NSF: variants seen among roughly 807,000 people sequenced by gnomAD.
NSF encodes the protein vesicle-fusing ATPase.
Under a neutral mutation model 50.3 loss-of-function variants are expected in NSF, and 14 were observed. That is an observed-to-expected ratio of 0.28 (90% confidence interval 0.18 to 0.44). NSF has a LOEUF of 0.44. Ranked by LOEUF, NSF falls within the 20% of genes least tolerant of loss-of-function variation. The pLI is 1.00. For synonymous variants in NSF, 109 were observed against 175.7 expected (o/e 0.62, Z 3.00); for missense variants, 218 against 504.3 (o/e 0.43, Z 5.44).
chr17:46,703,746 A>C (rs1359460639), intron 12 of NSF, among the ~76,000 whole-genome samples: 1 of 150,144 alleles, frequency 6.7e-6, no homozygotes, highest in African/African-American at 2.4e-5. Context: ...TAACCATTTT[A>C]AATGTACAAT....
intron 9 of NSF, among the ~76,000 whole-genome samples, chr17:46,679,708 A>C (rs1388284563): frequency 6.6e-6 from 1 of 151,536 alleles, no homozygotes; most frequent in African/African-American, 2.4e-5. Context: ...AAAAAAAAAG[A>C]AGCTAATAAT....
intron 17 of NSF, among the ~76,000 whole-genome samples, chr17:46,746,901 A>G (rs2059134776): frequency 1.3e-5 from 2 of 152,210 alleles, no homozygotes; most frequent in African/African-American, 4.8e-5. Flanking sequence ...GTGCCATACT[A>G]CAAAGAGGAT....
chr17:46,727,039 T>C (rs1384127425), intron 16 of NSF, among the ~76,000 whole-genome samples: 1 of 152,118 alleles, frequency 6.6e-6, no homozygotes, highest in Non-Finnish European at 1.5e-5. Context: ...AGGGCAGAAG[T>C]TGTAAGCTCT....
At chr17:46,727,438 T>C (rs1157587444) in intron 16 of NSF, among the ~76,000 whole-genome samples, 1 of 152,200 alleles carries the variant, frequency 6.6e-6, no homozygotes, top group East Asian at 1.9e-4. Context: ...CTGAAAATAC[T>C]ACCCAGTGTC....
At chr17:46,726,908 T>C (rs1045193999) in intron 16 of NSF, among the ~76,000 whole-genome samples, 1 of 152,186 alleles carries the variant, frequency 6.6e-6, no homozygotes, top group Non-Finnish European at 1.5e-5. Flanking sequence ...GTAATTTTCA[T>C]TGATGAGTAT....
At chr17:46,659,557 A>G (rs1272698534) in intron 8 of NSF, among the ~76,000 whole-genome samples, 3 of 144,522 alleles carry the variant, frequency 2.1e-5, no homozygotes, top group South Asian at 2.1e-4. Context: ...GCACTTTACT[A>G]AAAAATCACT....
chr17:46,718,960 A>G (rs916113193), intron 15 of NSF, among the ~76,000 whole-genome samples: 8 of 152,232 alleles, frequency 5.3e-5, no homozygotes, highest in African/African-American at 1.9e-4. Context: ...TAGTGCTATC[A>G]AAACTCTTAG....
chr17:46,676,203 G>T (rs2058403959), intron 9 of NSF, among the ~76,000 whole-genome samples: 1 of 146,310 alleles, frequency 6.8e-6, no homozygotes, highest in South Asian at 2.1e-4. Context: ...TGGAATGGAA[G>T]CTGGGAAATC....
chr17:46,622,437 GAC>G lies in NSF; in HGVS notation c.13-1805_13-1804del, dbSNP rs1234656031. 2.7e-5 allele frequency among the ~76,000 whole-genome samples: 4 copies of G among 150,276 alleles called. No individual in the cohort carries two copies. The East Asian group carries it at 7.9e-4, about 30-fold the overall frequency. ...CGCACCAGGGCAGTCCAGCCTGGGTGACAGAGTGAGACTCTGTCTCAAACAAA... is the reference window on the plus strand; with the variant it reads ...CGCACCAGGGCAGTCCAGCCTGGGTGAGAGTGAGACTCTGTCTCAAACAAA... On this transcript the variant is annotated intron_variant, in intron 1 of 20. Transcript: ENST00000398238.
chr17:46,595,751 A>G (rs2057864184), intron 1 of NSF, among the ~76,000 whole-genome samples: 1 of 123,898 alleles, frequency 8.1e-6, no homozygotes, highest in Non-Finnish European at 1.5e-5. Flanking sequence ...TGGCCTCCCA[A>G]AGTGCTGAGA....
intron 17 of NSF, among the ~76,000 whole-genome samples, chr17:46,736,156 A>G (rs1194319798): frequency 1.3e-5 from 2 of 152,182 alleles, no homozygotes; most frequent in African/African-American, 4.8e-5. Context: ...TGAAATTTAG[A>G]AGCTTCCTAC....
chr17:46,704,484 CTTAT>C (rs965744818), intron 12 of NSF, among the ~76,000 whole-genome samples: 60 of 120,128 alleles, frequency 5.0e-4, no homozygotes, highest in African/African-American at 1.9e-3. Flanking sequence ...TTTTCATGTG[CTTAT>C]TTAAGGCCAT....
At chr17:46,712,023 T>C (rs1246961414) in intron 14 of NSF, among the ~76,000 whole-genome samples, 1 of 152,186 alleles carries the variant, frequency 6.6e-6, no homozygotes, top group East Asian at 1.9e-4. Context: ...AAGCCATTTG[T>C]AGGATTTTAA....
chr17:46,691,958 G>A (rs2058552388), intron 9 of NSF, among the ~76,000 whole-genome samples: 1 of 150,220 alleles, frequency 6.7e-6, no homozygotes, highest in African/African-American at 2.5e-5. Flanking sequence ...TCACCATGTT[G>A]GCCAGGCTGG....
intron 15 of NSF, among the ~76,000 whole-genome samples, chr17:46,716,834 G>C: frequency 6.6e-6 from 1 of 152,040 alleles, no homozygotes; most frequent in East Asian, 1.9e-4. Context: ...TTATATATTG[G>C]GGATTACATT....
intron 17 of NSF, among the ~76,000 whole-genome samples, chr17:46,732,002 A>G (rs1297056092): frequency 6.6e-6 from 1 of 152,206 alleles, no homozygotes; most frequent in Non-Finnish European, 1.5e-5. Context: ...GTAAAATGGA[A>G]GCATTCACTT....
At chr17:46,728,988 C>T (rs1598722114) in intron 17 of NSF, 54 bp downstream of exon 17, 9 of 1,077,450 alleles carry the variant, frequency 8.4e-6, no homozygotes, top group East Asian at 2.4e-5. Context: ...TTCAGTAAAT[C>T]GCATATAATG....
chr17:46,746,138 G>C (rs142414956), intron 17 of NSF, among the ~76,000 whole-genome samples: 518 of 152,300 alleles, frequency 3.4e-3, no homozygotes, highest in African/African-American at 0.012. Context: ...TGGAAGGTCT[G>C]TTGCATATTC....
At position 46,755,935 on chromosome 17, in the gene NSF, T is replaced by A; in HGVS notation, c.*112T>A. Reference sequence around the variant, plus strand: ...TGGACTAAGTGGAACGTTCTCTACCTTCAACATGTGCTCGCTCTGCATGAT... The same window carrying A: ...TGGACTAAGTGGAACGTTCTCTACCATCAACATGTGCTCGCTCTGCATGAT... On this transcript the variant is annotated 3_prime_UTR_variant, in exon 21 of 21. Transcript: ENST00000398238. 1 of 1,010,478 alleles carries A rather than the reference T, an allele frequency of 9.9e-7. No homozygotes were observed. The highest frequency in any genetic ancestry group is 2.2e-5 in the Admixed American group (1 of 45,036). 62.6% of individuals were successfully genotyped at this position (1,010,478 alleles called of 1,614,324 possible). A position where few individuals can be genotyped will look rare whatever the true frequency, so the allele number is the denominator to read the frequency against.
Sources: gnomAD v4.1 joint callset for allele counts (sites outside exome capture counted in the v4.1 genomes callset) on GRCh38, gnomAD v4.1.1 for gene constraint, MANE v1.5 for transcripts, NCBI Gene and HGNC (gene_info 2026-07-23, HGNC 2026-07-21) for gene names.